Variants in RO60 observed in about 807,000 individuals in gnomAD.
RO60 encodes the protein RNA-binding protein RO60.
RO60 carries 20 observed loss-of-function variants against 55.3 expected under a neutral mutation model. The observed-to-expected ratio is 0.36, with a 90% CI of 0.25 to 0.53. The LOEUF is 0.53. Among genes scored for constraint, RO60 ranks in the 20% least tolerant of loss-of-function variants. The pLI is 0.92. For missense variants in RO60, 558 were observed against 646.6 expected, an observed-to-expected ratio of 0.86 and a Z score of 1.49; for synonymous variants, 213 against 213.6, an observed-to-expected ratio of 1.00 and a Z score of 0.02.
intron 1 of RO60, chr1:193,060,205 AC>A: frequency 1.1e-6 from 1 of 904,502 alleles, no homozygotes; most frequent in South Asian, 1.7e-5. Flanking sequence ...CAGAGGAATA[AC>A]GAGGGAGAGG....
Position 193,088,247 on chromosome 1 carries a change from A to G in RO60, c.*3516A>G, listed in dbSNP as rs1160689903. ...GGCTGGTGTCAAACTCCTGGGCTCA[A>G]GGGATCTTCCTGCCTTGGCCTCCCG... On this transcript the variant is annotated 3_prime_UTR_variant, in exon 9 of 9. Transcript: ENST00000400968. 2 of 142,274 alleles carry G rather than the reference A, an allele frequency of 1.4e-5. No homozygotes were observed. The highest frequency in any genetic ancestry group is 2.3e-4 in the South Asian group (1 of 4,336). The allele number at this position is 142,274 out of a possible 1,614,324, so 8.8% of individuals were successfully genotyped here.
Position 193,091,134 on chromosome 1 carries a change from G to A in RO60, c.*6403G>A, listed in dbSNP as rs1264304254. 6.6e-6 allele frequency: 1 copy of A among 152,458 alleles called. No individual in the cohort carries two copies. Among genetic ancestry groups the A allele is most frequent in the East Asian group, 1.9e-4 (1 of 5,214 alleles). 9.4% of individuals were successfully genotyped at this position (152,458 alleles called of 1,614,324 possible). On this transcript the variant is annotated 3_prime_UTR_variant, in exon 9 of 9. Coordinates refer to ENST00000400968, the MANE Select transcript of RO60 (RefSeq NM_001173524.2). ...ATATTTAACATCGAATGAAAATGTA[G>A]TTGTACAGTTCCAAAAATAATTAAT...
At chr1:193,073,858 C>T (rs1209961750) in intron 2 of RO60, among the ~76,000 whole-genome samples, 5 of 151,470 alleles carry the variant, frequency 3.3e-5, no homozygotes, top group East Asian at 1.9e-4. Context: ...TTTAACGTTA[C>T]GTATATCTCC....
At chr1:193,069,785 T>G in intron 2 of RO60, 151 bp downstream of exon 2, 2 of 656,082 alleles carry the variant, frequency 3.0e-6, no homozygotes, top group Non-Finnish European at 5.0e-6. Context: ...ATTTAATGCC[T>G]TCCTGGGATT....
intron 1 of RO60, among the ~76,000 whole-genome samples, chr1:193,067,729 T>G (rs993279773): frequency 1.3e-5 from 2 of 152,158 alleles, no homozygotes; most frequent in African/African-American, 4.8e-5. Context: ...ATTAGAAGGA[T>G]AAAGAGGGAT....
intron 4 of RO60, 37 bp from the exon 5 acceptor site, chr1:193,076,874 CTG>C (rs766161896): frequency 1.3e-6 from 2 of 1,586,178 alleles, no homozygotes; most frequent in South Asian, 2.3e-5. Flanking sequence ...TACATAATCA[CTG>C]TTTTTTGCTA....
chr1:193,081,370 G>A lies in RO60; in HGVS notation c.1093G>A (p.Glu365Lys). 6.3e-7 allele frequency: 1 copy of A among 1,595,852 alleles called. No individual in the cohort carries two copies. The highest frequency in any genetic ancestry group is 8.6e-7 in the Non-Finnish European group (1 of 1,166,760). Residue 365 changes from glutamate (E) to lysine (K), a missense_variant, in exon 6 of 9, where the codon GAA (glutamate) becomes AAA (lysine). By Grantham distance (56) the Glu-to-Lys change is moderately conservative. Coordinates refer to ENST00000400968, the MANE Select transcript of RO60 (RefSeq NM_001173524.2). ...TGTTTTGTTTTCTCTGTAGACAGTT[G>A]AACCAACTGGAAAACGTTTCTTACT... ...AAFYKTFKTV[E>K]PTGKRFLLAV...
chr1:193,068,074 C>T (rs1673235978), intron 1 of RO60, among the ~76,000 whole-genome samples: 1 of 152,112 alleles, frequency 6.6e-6, no homozygotes, highest in Admixed American at 6.5e-5. Flanking sequence ...TTTTTAAGAG[C>T]CTGAGCCCCC....
At chr1:193,070,530 T>C (rs1405789507) in intron 2 of RO60, 2 of 236,382 alleles carry the variant, frequency 8.5e-6, no homozygotes, top group East Asian at 1.3e-4. Context: ...AAATTTGACT[T>C]TTTTTTTTTT....
In RO60 at chr1:193,060,552, C is replaced by T. The variant is rs533342250; in HGVS notation, c.-22+776C>T. Among the ~76,000 whole-genome samples the T allele has an allele frequency of 1.9e-4, 29 of 152,224 alleles. No homozygotes were observed. The South Asian group carries it at 6.0e-3, about 32-fold the overall frequency. ...TTAGTGGGTAAAACTCTGACTCCTT[C>T]CTTCTCAAATAGGTGACTTGTGCCC... On this transcript the variant is annotated intron_variant, in intron 1 of 8. Transcript: ENST00000400968.
At chr1:193,078,068 A>G (rs970501918) in intron 5 of RO60, among the ~76,000 whole-genome samples, 1 of 152,236 alleles carries the variant, frequency 6.6e-6, no homozygotes, top group African/African-American at 2.4e-5. Context: ...ACCAAGTGAT[A>G]TTCATCCCTG....
rs772596647 is a variant in RO60, at chr1:193,069,312, C to T, written c.258C>T (p.Thr86=). 1.9e-6 allele frequency: 3 copies of T among 1,614,188 alleles called. No homozygotes were observed. The South Asian group carries it at 3.3e-5, about 18-fold the overall frequency. ...EIKSFSQEGR[T]TKQEPMLFAL... ...AGTCATTTAGTCAAGAAGGCAGAACCACAAAGCAAGAGCCTATGCTCTTTG... is the reference window on the plus strand; with the variant it reads ...AGTCATTTAGTCAAGAAGGCAGAACTACAAAGCAAGAGCCTATGCTCTTTG... Residue 86 remains threonine (T), a synonymous_variant, in exon 2 of 9, where the codon ACC becomes ACT. Transcript: ENST00000400968.
rs531105809 is a variant in RO60 at position 193,085,590 on chromosome 1, C to T, written c.*859C>T. On this transcript the variant is annotated 3_prime_UTR_variant, in exon 9 of 9. Transcript: ENST00000400968. ...TGTAAATAATATAAAATGTTTCAAG[C>T]GCTTAACTCCCCCTCATTCACAAAG... is the stretch of plus-strand genomic sequence containing the variant. 33 of 984,290 alleles carry T rather than the reference C, an allele frequency of 3.4e-5. No homozygotes were observed. Among genetic ancestry groups the T allele is most frequent in the Middle Eastern group, 5.2e-4 (1 of 1,910 alleles). The allele number at this position is 984,290 out of a possible 1,614,324, so 61.0% of individuals were successfully genotyped here.
Position 193,076,038 on chromosome 1 carries a change from G to C in RO60, c.799G>C (p.Glu267Gln). ...HLLTNHLKSK[E>Q]VWKALLQEMP... ...TTTAACAAATCACTTAAAGTCTAAA[G>C]AGGTGAGTGAATTATATGTTACAGC... The change falls in exon 3 of 9, where the codon GAG becomes CAG. Residue 267 changes from glutamate (E) to glutamine (Q), a missense_variant and splice_region_variant. Transcript: ENST00000400968. 6.3e-7 allele frequency: 1 copy of C among 1,592,966 alleles called. No individual in the cohort carries two copies.
intron 6 of RO60, among the ~76,000 whole-genome samples, chr1:193,081,855 T>C (rs1171069445): frequency 1.3e-5 from 2 of 152,098 alleles, no homozygotes; most frequent in Non-Finnish European, 2.9e-5. Flanking sequence ...CTAATAGGAG[T>C]GTCTAGAGAC....
At chr1:193,071,980 A>T (rs981859364) in intron 2 of RO60, among the ~76,000 whole-genome samples, 8 of 151,826 alleles carry the variant, frequency 5.3e-5, no homozygotes, top group African/African-American at 1.9e-4. Context: ...ATCACTATTC[A>T]TTCAACAAAT....
chr1:193,065,844 C>A (rs116457173), intron 1 of RO60, among the ~76,000 whole-genome samples: 1,934 of 152,198 alleles, frequency 0.013, 21 homozygotes, highest in South Asian at 0.034. Context: ...TTTATACTAG[C>A]GTCTTATTTG....
chr1:193,076,927 A>G lies in RO60; in HGVS notation c.963A>G (p.Pro321=), dbSNP rs1425307832. ...EKLLKKARIH[P]FHILIALETY... is the part of the protein sequence containing the mutation. ...TTTGTTTCTAGGCTCGTATACATCCATTTCATATTTTGATCGCATTAGAAA... is the reference window on the plus strand; with the variant it reads ...TTTGTTTCTAGGCTCGTATACATCCGTTTCATATTTTGATCGCATTAGAAA... Residue 321 remains proline (P), a synonymous_variant, in exon 5 of 9, where the codon CCA becomes CCG. Transcript: ENST00000400968. The G allele has an allele frequency of 1.9e-6, 3 of 1,611,886 alleles. No homozygotes were observed. The highest frequency in any genetic ancestry group is 1.7e-5 in the Admixed American group (1 of 59,814).
chr1:193,064,932 CAG>C (rs1343554715), intron 1 of RO60, among the ~76,000 whole-genome samples: 3 of 152,104 alleles, frequency 2.0e-5, no homozygotes, highest in Non-Finnish European at 2.9e-5. Flanking sequence ...GTTAGAAAAA[CAG>C]AAATTTTGTT....
Sources: allele counts gnomAD v4.1 joint callset (sites outside exome capture counted in the v4.1 genomes callset), GRCh38; gene constraint gnomAD v4.1.1; transcripts MANE v1.5; gene names NCBI Gene and HGNC (gene_info 2026-07-23, HGNC 2026-07-21).